TMEM132C: variants seen among roughly 807,000 people sequenced by gnomAD.
The protein encoded by TMEM132C is protein phosphatase 1, regulatory subunit 152.
A neutral mutation model predicts 61.4 loss-of-function variants in TMEM132C; 29 were observed. The ratio of observed to expected loss-of-function variants is 0.47; its 90% CI spans 0.35 to 0.64. The LOEUF is 0.64. TMEM132C is among the 30% of genes least tolerant of loss of function. TMEM132C has a pLI of 0.00. For synonymous variants in TMEM132C, 656 were observed against 633.1 expected, an observed-to-expected ratio of 1.04 and a Z score of -0.54; for missense variants, 1,408 against 1,476.9, an observed-to-expected ratio of 0.95 and a Z score of 0.76.
At chr12:128,515,234 A>C (rs145324999) in intron 2 of TMEM132C, among the ~76,000 whole-genome samples, 1 of 152,226 alleles carries the variant, frequency 6.6e-6, no homozygotes, top group Non-Finnish European at 1.5e-5. Flanking sequence ...TGATAGATGC[A>C]TAAAGAGAGA....
chr12:128,518,546 C>A (rs1372035060), intron 2 of TMEM132C, among the ~76,000 whole-genome samples: 3 of 152,202 alleles, frequency 2.0e-5, no homozygotes, highest in African/African-American at 7.2e-5. Flanking sequence ...CTTTCCTCCT[C>A]TTTTCACTGG....
At chr12:128,306,006 T>C (rs1266467860) in intron 1 of TMEM132C, among the ~76,000 whole-genome samples, 2 of 152,178 alleles carry the variant, frequency 1.3e-5, no homozygotes, top group Non-Finnish European at 2.9e-5. Flanking sequence ...TCTGATTGTG[T>C]GCAGTTAATG....
intron 5 of TMEM132C, among the ~76,000 whole-genome samples, chr12:128,682,272 TG>T (rs1168521367): frequency 6.6e-6 from 1 of 152,116 alleles, no homozygotes; most frequent in Non-Finnish European, 1.5e-5. Context: ...GGGATGACAG[TG>T]GGGGCTCCTC....
chr12:128,648,940 T>C (rs547396262), intron 4 of TMEM132C, among the ~76,000 whole-genome samples: 1 of 150,988 alleles, frequency 6.6e-6, no homozygotes, highest in African/African-American at 2.5e-5. Context: ...TGAGTGTGTT[T>C]ACTGGAGTCC....
intron 2 of TMEM132C, among the ~76,000 whole-genome samples, chr12:128,540,595 C>T (rs1304954694): frequency 6.6e-6 from 1 of 152,170 alleles, no homozygotes; most frequent in Non-Finnish European, 1.5e-5. Context: ...ACTGCATAGG[C>T]TGTATTTCTG....
At chr12:128,501,293 G>A (rs1040623457) in intron 2 of TMEM132C, among the ~76,000 whole-genome samples, 1 of 152,104 alleles carries the variant, frequency 6.6e-6, no homozygotes, top group African/African-American at 2.4e-5. Context: ...AATGAAGGCT[G>A]GTGGTCAATT....
At chr12:128,612,435 A>G (rs1036741085) in intron 3 of TMEM132C, among the ~76,000 whole-genome samples, 1 of 152,146 alleles carries the variant, frequency 6.6e-6, no homozygotes, top group Non-Finnish European at 1.5e-5. Context: ...GATTAGGTTG[A>G]GTTGGCTCAC....
rs563469429 is a variant in TMEM132C at position 128,487,133 on chromosome 12, A to G, written c.975-56824A>G. ...CTTTCTGGAGTGATTGGCTGTGCAC[A>G]GATCTTGCGTGGTATTGCTCATTCA... On this transcript the variant is annotated intron_variant, in intron 2 of 8. Transcript: ENST00000435159. 2.0e-5 allele frequency among the ~76,000 whole-genome samples: 3 copies of G among 152,306 alleles called. No homozygotes were observed. In the East Asian group the frequency reaches 5.8e-4, roughly 29 times the overall value.
chr12:128,564,876 C>G (rs1490798523), intron 3 of TMEM132C, among the ~76,000 whole-genome samples: 3 of 152,286 alleles, frequency 2.0e-5, no homozygotes, highest in African/African-American at 4.8e-5. Flanking sequence ...AGGGATCCCC[C>G]CTTCCTGGTA....
chr12:128,671,184 G>A (rs1231621013), intron 5 of TMEM132C, among the ~76,000 whole-genome samples: 1 of 152,140 alleles, frequency 6.6e-6, no homozygotes, highest in African/African-American at 2.4e-5. Context: ...TACCACAGGA[G>A]AATTGAGTAG....
At chr12:128,498,004 C>T (rs1431531307) in intron 2 of TMEM132C, among the ~76,000 whole-genome samples, 1 of 152,206 alleles carries the variant, frequency 6.6e-6, no homozygotes, top group Non-Finnish European at 1.5e-5. Flanking sequence ...ATGAGAGAAA[C>T]TTCAAATGGA....
rs183255206 is a variant in TMEM132C, at chr12:128,323,003, A to G, written c.85+55516A>G. Among the ~76,000 whole-genome samples, 1,293 of 152,334 alleles carry G rather than the reference A, an allele frequency of 8.5e-3. 23 individuals are homozygous for G. Among genetic ancestry groups the G allele is most frequent in the African/African-American group, 0.029 (1,220 of 41,566 alleles). ...CCTGCCCTGTTCTAGGACTGCAGAT[A>G]CAGCCATAAACAAGGTGGAGAAGGT... On this transcript the variant is annotated intron_variant, in intron 1 of 8. Transcript: ENST00000435159.
intron 4 of TMEM132C, among the ~76,000 whole-genome samples, chr12:128,659,932 G>A (rs1406240280): frequency 1.3e-5 from 2 of 152,190 alleles, no homozygotes; most frequent in Non-Finnish European, 2.9e-5. Flanking sequence ...CCAGGGGCTG[G>A]ACCTCTCACT....
chr12:128,421,437 T>C (rs1284640394), intron 2 of TMEM132C, among the ~76,000 whole-genome samples: 1 of 152,240 alleles, frequency 6.6e-6, no homozygotes, highest in African/African-American at 2.4e-5. Context: ...CAGGGAGACC[T>C]TGAATGATGT....
At chr12:128,542,955 A>G (rs1414114688) in intron 2 of TMEM132C, among the ~76,000 whole-genome samples, 1 of 151,898 alleles carries the variant, frequency 6.6e-6, no homozygotes, top group Non-Finnish European at 1.5e-5. Flanking sequence ...CTTTTAAAAC[A>G]GTCCCTTTGC....
chr12:128,545,854 G>A (rs891848865), intron 3 of TMEM132C, among the ~76,000 whole-genome samples: 1 of 152,110 alleles, frequency 6.6e-6, no homozygotes, highest in East Asian at 1.9e-4. Context: ...GATTCAAAAC[G>A]TAAGATTATT....
chr12:128,321,481 A>T (rs901459335), intron 1 of TMEM132C, among the ~76,000 whole-genome samples: 3 of 152,176 alleles, frequency 2.0e-5, no homozygotes. Flanking sequence ...TTAGAGATGG[A>T]GAGGGTGGTG....
intron 1 of TMEM132C, among the ~76,000 whole-genome samples, chr12:128,286,813 C>T (rs1222148502): frequency 1.3e-5 from 2 of 152,152 alleles, no homozygotes; most frequent in South Asian, 4.2e-4. Context: ...GAAGAAGGGA[C>T]GTGTTGGTAC....
chr12:128,391,973 C>G (rs1874777395), intron 1 of TMEM132C, among the ~76,000 whole-genome samples: 1 of 152,026 alleles, frequency 6.6e-6, no homozygotes, highest in African/African-American at 2.4e-5. Flanking sequence ...CATAAAATAC[C>G]TACTATCCAC....
Sources: allele counts gnomAD v4.1 joint callset (sites outside exome capture counted in the v4.1 genomes callset), GRCh38; gene constraint gnomAD v4.1.1; transcripts MANE v1.5; gene names NCBI Gene and HGNC (gene_info 2026-07-23, HGNC 2026-07-21).